CTNNA3: variants seen among roughly 807,000 people sequenced by gnomAD.
The protein encoded by CTNNA3 is catenin alpha-3.
CTNNA3 carries 76 observed loss-of-function variants against 95.7 expected under a neutral mutation model. That is an observed-to-expected ratio of 0.79 (90% CI 0.66 to 0.96). The LOEUF is 0.96. Ranked by LOEUF, CTNNA3 falls within the 40% of genes least tolerant of loss-of-function variation. The pLI, the probability that CTNNA3 is intolerant of heterozygous loss-of-function variation, is 0.00. For synonymous variants in CTNNA3, 431 were observed against 374.4 expected (o/e 1.15, Z -1.74); for missense variants, 1,191 against 1,089.8 (o/e 1.09, Z -1.31).
intron 9 of CTNNA3, among the ~76,000 whole-genome samples, chr10:66,758,672 C>T (rs1394020546): frequency 3.3e-5 from 5 of 152,132 alleles, no homozygotes; most frequent in African/African-American, 7.2e-5. Flanking sequence ...TGGTGGCTCA[C>T]GCCTGTAATC....
At chr10:66,250,123 T>C (rs186279853) in intron 13 of CTNNA3, among the ~76,000 whole-genome samples, 2 of 152,300 alleles carry the variant, frequency 1.3e-5, no homozygotes, top group East Asian at 3.9e-4. Flanking sequence ...GAGGTCATTA[T>C]GTTAAGTGAA....
chr10:67,179,750 C>T lies in CTNNA3; in HGVS notation c.1047+567G>A, dbSNP rs188357887. On this transcript the variant is annotated intron_variant, in intron 7 of 17. Transcript: ENST00000433211. ...GCTGAGGTAGAAGGATCATATGAGCCCAGGAGTTCGAGGCTGCCATTAGCT... is the reference window on the plus strand; with the variant it reads ...GCTGAGGTAGAAGGATCATATGAGCTCAGGAGTTCGAGGCTGCCATTAGCT... 1.5e-3 allele frequency among the ~76,000 whole-genome samples: 226 copies of T among 152,068 alleles called. 1 individual carries two copies. The highest frequency in any genetic ancestry group is 8.9e-3 in the East Asian group (46 of 5,152).
At chr10:67,275,532 G>A (rs997961031) in intron 5 of CTNNA3, among the ~76,000 whole-genome samples, 19 of 151,630 alleles carry the variant, frequency 1.3e-4, no homozygotes, top group Admixed American at 9.9e-4. Flanking sequence ...ATAAAAAACC[G>A]AAGAAATTGA....
chr10:65,946,130 A>G (rs750593060), intron 17 of CTNNA3, among the ~76,000 whole-genome samples: 24 of 152,118 alleles, frequency 1.6e-4, no homozygotes, highest in Non-Finnish European at 2.9e-4. Context: ...TGCAATTTTC[A>G]TATCTATAAG....
At chr10:66,076,872 T>A (rs2080573037) in intron 14 of CTNNA3, among the ~76,000 whole-genome samples, 1 of 151,716 alleles carries the variant, frequency 6.6e-6, no homozygotes, top group South Asian at 2.1e-4. Flanking sequence ...AATGAGTTCC[T>A]TAGGGAACAT....
chr10:66,489,824 T>C (rs1839862674), intron 11 of CTNNA3, among the ~76,000 whole-genome samples: 2 of 152,170 alleles, frequency 1.3e-5, no homozygotes, highest in African/African-American at 2.4e-5. Flanking sequence ...GGGCAAGGGA[T>C]TATGAAAGTC....
At chr10:66,478,762 C>T (rs1331818322) in intron 11 of CTNNA3, among the ~76,000 whole-genome samples, 1 of 151,776 alleles carries the variant, frequency 6.6e-6, no homozygotes, top group East Asian at 1.9e-4. Flanking sequence ...TTTTATTCCT[C>T]ACCCAACATC....
chr10:66,819,092 T>TAAAAAAAAAA (rs35494489), intron 7 of CTNNA3, among the ~76,000 whole-genome samples: 36 of 110,692 alleles, frequency 3.3e-4, no homozygotes, highest in African/African-American at 1.1e-3. Flanking sequence ...ACTCTTGTCT[T>TAAAAAAAAAA]AAAAAAAAAA....
intron 5 of CTNNA3, among the ~76,000 whole-genome samples, chr10:67,389,793 C>T (rs1338009151): frequency 6.6e-6 from 1 of 151,954 alleles, no homozygotes; most frequent in African/African-American, 2.4e-5. Flanking sequence ...ACTGAACAAC[C>T]TGCTCCTGAA....
intron 15 of CTNNA3, among the ~76,000 whole-genome samples, chr10:66,001,134 T>A (rs1291844442): frequency 6.6e-6 from 1 of 151,988 alleles, no homozygotes; most frequent in Non-Finnish European, 1.5e-5. Context: ...ATAAAAAATA[T>A]ATATATATAC....
intron 12 of CTNNA3, among the ~76,000 whole-genome samples, chr10:66,359,241 TAGG>T (rs2092635305): frequency 6.6e-6 from 1 of 151,516 alleles, no homozygotes; most frequent in Admixed American, 6.6e-5. Context: ...TGTTGATAGA[TAGG>T]AGGTCGTAAA....
At chr10:66,056,249 G>A (rs1368266958) in intron 15 of CTNNA3, among the ~76,000 whole-genome samples, 1 of 152,094 alleles carries the variant, frequency 6.6e-6, no homozygotes, top group Non-Finnish European at 1.5e-5. Flanking sequence ...AAGGGATGTT[G>A]AATGTTATCA....
At chr10:65,955,752 T>C (rs764471607) in intron 17 of CTNNA3, among the ~76,000 whole-genome samples, 4 of 152,158 alleles carry the variant, frequency 2.6e-5, no homozygotes, top group Non-Finnish European at 4.4e-5. Context: ...TTGATCATGG[T>C]GGATAAGCTT....
chr10:66,574,831 G>A (rs191444320), intron 10 of CTNNA3, among the ~76,000 whole-genome samples: 1 of 152,068 alleles, frequency 6.6e-6, no homozygotes, highest in Non-Finnish European at 1.5e-5. Context: ...GCTCAAAAGA[G>A]GATTCTTAGT....
chr10:67,029,704 A>T (rs2133104684), intron 7 of CTNNA3, among the ~76,000 whole-genome samples: 1 of 152,352 alleles, frequency 6.6e-6, no homozygotes, highest in African/African-American at 2.4e-5. Flanking sequence ...AGCGTAAAAC[A>T]AAAGATATTT....
At chr10:66,917,565 G>A (rs1225305817) in intron 7 of CTNNA3, among the ~76,000 whole-genome samples, 1 of 152,096 alleles carries the variant, frequency 6.6e-6, no homozygotes, top group African/African-American at 2.4e-5. Context: ...TTTTAAATCA[G>A]ACATTGTTTC....
At chr10:67,447,702 T>C (rs1244754193) in intron 5 of CTNNA3, among the ~76,000 whole-genome samples, 1 of 152,182 alleles carries the variant, frequency 6.6e-6, no homozygotes, top group African/African-American at 2.4e-5. Context: ...ATTTCTACTT[T>C]ACCTGTCTTT....
intron 7 of CTNNA3, among the ~76,000 whole-genome samples, chr10:67,068,413 T>C (rs941784025): frequency 2.4e-4 from 36 of 152,318 alleles, no homozygotes; most frequent in African/African-American, 7.9e-4. Context: ...GATGGATCTG[T>C]CTGTTAAGTA....
At chr10:65,980,857 C>A (rs576935186) in intron 16 of CTNNA3, among the ~76,000 whole-genome samples, 3 of 152,106 alleles carry the variant, frequency 2.0e-5, no homozygotes, top group East Asian at 3.9e-4. Context: ...GTAATAAAAG[C>A]CATCTATGAC....
Sources: gnomAD v4.1 joint callset for allele counts (sites outside exome capture counted in the v4.1 genomes callset) on GRCh38, gnomAD v4.1.1 for gene constraint, MANE v1.5 for transcripts, NCBI Gene and HGNC (gene_info 2026-07-23, HGNC 2026-07-21) for gene names.